Variants in SPEG observed in about 807,000 individuals in gnomAD.
SPEG encodes the protein striated muscle enriched protein kinase.
Under a neutral mutation model 300.4 loss-of-function variants are expected in SPEG, and 114 were observed. That is an observed-to-expected ratio of 0.38 (90% CI 0.33 to 0.44). SPEG has a LOEUF of 0.44. Among genes scored for constraint, SPEG ranks in the 20% least tolerant of loss-of-function variants. The pLI is 1.00. For synonymous variants in SPEG, 1,964 were observed against 2,018.9 expected, an observed-to-expected ratio of 0.97 and a Z score of 0.73; for missense variants, 4,201 against 4,586.2, an observed-to-expected ratio of 0.92 and a Z score of 2.43.
chr2:219,488,324 G>A lies in SPEG; in HGVS notation c.7858+14G>A. The A allele has an allele frequency of 3.8e-6, 6 of 1,591,042 alleles. No individual in the cohort carries two copies. The highest frequency in any genetic ancestry group is 5.2e-6 in the Non-Finnish European group (6 of 1,164,786). On this transcript the variant is annotated intron_variant, in intron 32 of 40. Coordinates refer to ENST00000312358, the MANE Select transcript of SPEG (RefSeq NM_005876.5). ...CCTGGATGAAAGGTAAGGAGACTCTGTCTCCCACAGAGAGGGAGGCCAGCA... is the reference window on the plus strand; with the variant it reads ...CCTGGATGAAAGGTAAGGAGACTCTATCTCCCACAGAGAGGGAGGCCAGCA...
At position 219,448,255 on chromosome 2, in the gene SPEG, C is replaced by T. The variant is rs1383555993; in HGVS notation, c.1097C>T (p.Ala366Val). The T allele has an allele frequency of 6.2e-6, 10 of 1,612,162 alleles. No homozygotes were observed. The highest frequency in any genetic ancestry group is 8.5e-6 in the Non-Finnish European group (10 of 1,179,524). The part of the protein sequence containing the change: ...KKSKSSGPSL[A>V]GTAESRPQTP... ...TCCAAGTCGTCCGGGCCCTCCCTGG[C>T]GGGCACCGCGGAATCCCGACCCCAG... The change falls in exon 4 of 41, where the codon GCG (alanine) becomes GTG (valine). Residue 366 changes from alanine (A) to valine (V), a missense_variant. Ala to Val is a moderately conservative substitution (Grantham distance 64). Transcript: ENST00000312358.
intron 1 of SPEG, among the ~76,000 whole-genome samples, chr2:219,442,881 C>A (rs1689030952): frequency 6.6e-6 from 1 of 152,148 alleles, no homozygotes. Flanking sequence ...TTCTCTCCTT[C>A]CTCCCCTGCT....
intron 9 of SPEG, chr2:219,466,869 G>T: frequency 8.8e-7 from 1 of 1,140,130 alleles, no homozygotes; most frequent in Non-Finnish European, 1.1e-6. Context: ...CCTATCTGGT[G>T]TGTTGTGTTT....
At chr2:219,485,289 A>G in intron 30 of SPEG, 57 bp from the exon 31 acceptor site, 1 of 1,562,070 alleles carries the variant, frequency 6.4e-7, no homozygotes, top group Non-Finnish European at 8.7e-7. Flanking sequence ...GGCTGCAGAG[A>G]GGTGGGAACT....
Position 219,448,728 on chromosome 2 carries a change from G to T in SPEG, c.1570G>T (p.Ala524Ser). ...GTCCCTGCGCGCCACGCTGCAGCGT[G>T]CCCCATCCCCTCGAGAGCCCGGCGA... ...HESLRATLQR[A>S]PSPREPGEPP... is the part of the protein sequence containing the mutation. The change falls in exon 4 of 41, where the codon GCC (alanine) becomes TCC (serine). Residue 524 changes from alanine to serine, a missense_variant. Physicochemically the swap from Ala to Ser is moderately conservative, Grantham distance 99. Around this residue, in one of 4 missense-constraint regions of SPEG, gnomAD observed 1,258 missense variants for 1,293.9 expected, o/e 0.97. Coordinates refer to ENST00000312358, the MANE Select transcript of SPEG (RefSeq NM_005876.5). 6.7e-7 allele frequency: 1 copy of T among 1,489,728 alleles called. No homozygotes were observed. Among genetic ancestry groups the T allele is most frequent in the Non-Finnish European group, 8.9e-7 (1 of 1,127,638 alleles). 92.3% of individuals were successfully genotyped at this position (1,489,728 alleles called of 1,614,324 possible).
chr2:219,473,616 C>T lies in SPEG; in HGVS notation c.4260C>T (p.Val1420=), dbSNP rs747854477. The T allele has an allele frequency of 1.2e-6, 2 of 1,614,146 alleles. No homozygotes were observed. The highest frequency in any genetic ancestry group is 1.7e-5 in the Admixed American group (1 of 60,024). ...TVTFNHVEAQ[V]VWRSCRGALL... is the part of the protein sequence containing the mutation. ...CATTCAACCATGTGGAGGCCCAGGT[C>T]GTCTGGAGGAGGTGGGCCCCTTTCC... The change falls in exon 17 of 41, where the codon GTC becomes GTT. Residue 1420 remains valine (V), a synonymous_variant. Coordinates refer to ENST00000312358, the MANE Select transcript of SPEG (RefSeq NM_005876.5). The surrounding 1 kb of genome is among the most constrained non-coding windows in gnomAD (Gnocchi z 4.6).
chr2:219,469,930 G>C (rs1691725107), intron 13 of SPEG, among the ~76,000 whole-genome samples: 1 of 152,160 alleles, frequency 6.6e-6, no homozygotes, highest in Non-Finnish European at 1.5e-5. Flanking sequence ...GAAGGGGCCA[G>C]GGGAGACACA....
rs1575190970 is a variant in SPEG at position 219,488,618 on chromosome 2, C to T, written c.7979C>T (p.Thr2660Ile). The T allele has an allele frequency of 6.2e-7, 1 of 1,611,594 alleles. No individual in the cohort carries two copies. The highest frequency in any genetic ancestry group is 8.5e-7 in the Non-Finnish European group (1 of 1,178,958). ...GCCGGTCTCTATGAGTGCTCGGCCA[C>T]CAACGTACTGGGCAGCATCACCAGC... Reference protein sequence around the residue: ...RHAGLYECSATNVLGSITSSC... With the variant: ...RHAGLYECSAINVLGSITSSC... Residue 2660 changes from threonine to isoleucine, a missense_variant, in exon 33 of 41, where the codon ACC becomes ATC. Physicochemically the swap from Thr to Ile is moderately conservative, Grantham distance 89. Transcript: ENST00000312358.
At position 219,464,791 on chromosome 2, in the gene SPEG, C is replaced by T; in HGVS notation, c.2881+183C>T. On this transcript the variant is annotated intron_variant, in intron 9 of 40. Transcript: ENST00000312358. The surrounding 1 kb of genome is among the most constrained non-coding windows in gnomAD (Gnocchi z 4.5). ...GCCCAGAGACAGGAAGTGACCTGCCCAAAGCTGCACAGCACATTGTTCCGT... is the reference window on the plus strand; with the variant it reads ...GCCCAGAGACAGGAAGTGACCTGCCTAAAGCTGCACAGCACATTGTTCCGT... The T allele has an allele frequency of 1.7e-6, 1 of 599,754 alleles. No homozygotes were observed. Among genetic ancestry groups the T allele is most frequent in the Non-Finnish European group, 3.0e-6 (1 of 338,246 alleles). 37.2% of individuals were successfully genotyped at this position (599,754 alleles called of 1,614,324 possible). A position where few individuals can be genotyped will look rare whatever the true frequency, so the allele number is the denominator to read the frequency against.
In SPEG at chr2:219,434,861, G is replaced by A. The variant is rs1240775082; in HGVS notation, c.-117G>A. The stretch of plus-strand genomic sequence containing the variant: ...TCTGGGTAGCACAGGCCGAAGGCGG[G>A]CGGGCAGCAGGAAGGCAGGCCGCCG... On this transcript the variant is annotated 5_prime_UTR_variant, in exon 1 of 41. Transcript: ENST00000312358. 10 of 655,946 alleles carry A rather than the reference G, an allele frequency of 1.5e-5. No individual in the cohort carries two copies. Among genetic ancestry groups the A allele is most frequent in the Non-Finnish European group, 2.2e-5 (9 of 417,088 alleles). 40.6% of individuals were successfully genotyped at this position (655,946 alleles called of 1,614,324 possible). A position where few individuals can be genotyped will look rare whatever the true frequency, so the allele number is the denominator to read the frequency against.
intron 9 of SPEG, chr2:219,466,203 C>T: frequency 6.8e-7 from 1 of 1,470,148 alleles, no homozygotes; most frequent in South Asian, 1.4e-5. Context: ...CCAGCCTCCC[C>T]TCCCCACCCC....
chr2:219,434,926 G>A lies in SPEG; in HGVS notation c.-52G>A. ...TCTCCTAGGGCACCGTCCCGCGGGTGCCCCCGTGGCCGCCCAGTTCCGGCG... is the reference window on the plus strand; with the variant it reads ...TCTCCTAGGGCACCGTCCCGCGGGTACCCCCGTGGCCGCCCAGTTCCGGCG... On this transcript the variant is annotated 5_prime_UTR_variant, in exon 1 of 41. Transcript: ENST00000312358. 1 of 1,384,294 alleles carries A rather than the reference G, an allele frequency of 7.2e-7. No homozygotes were observed. The highest frequency in any genetic ancestry group is 9.5e-7 in the Non-Finnish European group (1 of 1,055,838). The allele number at this position is 1,384,294 out of a possible 1,614,324, so 85.8% of individuals were successfully genotyped here.
At position 219,483,986 on chromosome 2, in the gene SPEG, C is replaced by T. The variant is rs1693125120; in HGVS notation, c.6523C>T (p.Pro2175Ser). 1.9e-6 allele frequency: 3 copies of T among 1,611,368 alleles called. 1 individual carries two copies. In the South Asian group the frequency reaches 3.3e-5, roughly 18 times the overall value. The change falls in exon 30 of 41, where the codon CCA becomes TCA. Residue 2175 changes from proline to serine, a missense_variant. By Grantham distance (74) the Pro-to-Ser change is moderately conservative. This residue lies in a region of SPEG where 1,578 missense variants were observed against 1,506.0 expected (regional missense o/e 1.05). Coordinates refer to ENST00000312358, the MANE Select transcript of SPEG (RefSeq NM_005876.5). Reference protein sequence around the residue: ...PSLSALSEAQPSSPARPSAPK... With the variant: ...PSLSALSEAQSSSPARPSAPK... ...CCTGTCTGCCCTCAGCGAGGCCCAGCCATCCAGCCCTGCACGGCCCAGCGC... is the reference window on the plus strand; with the variant it reads ...CCTGTCTGCCCTCAGCGAGGCCCAGTCATCCAGCCCTGCACGGCCCAGCGC...
intron 6 of SPEG, among the ~76,000 whole-genome samples, chr2:219,455,373 A>C (rs1198782871): frequency 6.6e-6 from 1 of 152,210 alleles, no homozygotes; most frequent in Non-Finnish European, 1.5e-5. Flanking sequence ...GAGATGCTCT[A>C]TATGTGTGTG....
Position 219,445,171 on chromosome 2 carries a change from GGCCTT to G in SPEG, c.815+11_815+15del. The stretch of plus-strand genomic sequence containing the variant: ...CGCTCTCTATCCACGTGTAAGTAAC[GGCCTT>G]ACCTGGGCCTGAACTGCCCCATCTC... On this transcript the variant is annotated intron_variant, in intron 3 of 40. Transcript: ENST00000312358. The surrounding 1 kb of genome is among the most constrained non-coding windows in gnomAD (Gnocchi z 6.1). The G allele has an allele frequency of 6.4e-7, 1 of 1,558,152 alleles. No individual in the cohort carries two copies. Among genetic ancestry groups the G allele is most frequent in the Non-Finnish European group, 8.7e-7 (1 of 1,151,582 alleles).
chr2:219,465,902 TGTGTGCATGC>T (rs1440174692), intron 9 of SPEG: 8 of 663,548 alleles, frequency 1.2e-5, no homozygotes, highest in Admixed American at 9.0e-5. Flanking sequence ...TGCGTATGGG[TGTGTGCATGC>T]GTGTGTGTGT....
chr2:219,466,101 C>T (rs1462886547), intron 9 of SPEG: 4 of 1,591,888 alleles, frequency 2.5e-6, no homozygotes, highest in Non-Finnish European at 3.4e-6. Flanking sequence ...CGCTACCCTC[C>T]GAGCCGCGCC....
chr2:219,482,720 G>T, intron 28 of SPEG, 64 bp from the exon 29 acceptor site: 1 of 1,500,070 alleles, frequency 6.7e-7, no homozygotes, highest in Non-Finnish European at 9.3e-7. Flanking sequence ...TTGTCTCTCT[G>T]TTGCCAAACC....
chr2:219,442,507 C>T (rs1249741435), intron 1 of SPEG, among the ~76,000 whole-genome samples: 1 of 150,048 alleles, frequency 6.7e-6, no homozygotes, highest in Non-Finnish European at 1.5e-5. Context: ...AAGCAACGCA[C>T]ACGGATCCGC....
Sources: gnomAD v4.1 joint callset for allele counts (sites outside exome capture counted in the v4.1 genomes callset) on GRCh38, gnomAD v4.1.1 for gene constraint, gnomAD v4.1.1 regional missense constraint, Gnocchi (gnomAD v3.1) non-coding constraint, MANE v1.5 for transcripts, NCBI Gene and HGNC (gene_info 2026-07-23, HGNC 2026-07-21) for gene names.